OXCT1: variants seen among roughly 807,000 people sequenced by gnomAD.
OXCT1 encodes 3-oxoacid CoA-transferase 1, also known as succinyl-CoA:3-ketoacid coenzyme A transferase 1, mitochondrial.
In OXCT1, 27 loss-of-function variants were observed where a neutral mutation model predicts 69.6. The observed-to-expected ratio is 0.39, with a 90% CI of 0.29 to 0.54. OXCT1 has a LOEUF of 0.54. Among genes scored for constraint, OXCT1 ranks in the 20% least tolerant of loss-of-function variants. The pLI, the probability that OXCT1 is intolerant of heterozygous loss-of-function variation, is 0.72. For missense variants in OXCT1, 437 were observed against 650.2 expected (o/e 0.67, Z 3.57); for synonymous variants, 202 against 217.8 (o/e 0.93, Z 0.64).
At position 41,805,646 on chromosome 5, in the gene OXCT1, G is replaced by C. The variant is rs552437591; in HGVS notation, c.876C>G (p.Ala292=). The C allele has an allele frequency of 6.2e-7, 1 of 1,612,664 alleles. No homozygotes were observed. The highest frequency in any genetic ancestry group is 1.3e-5 in the African/African-American group (1 of 74,882). Residue 292 remains alanine (A), a synonymous_variant, in exon 9 of 17, where the codon GCC becomes GCG. Coordinates refer to ENST00000196371, the MANE Select transcript of OXCT1 (RefSeq NM_000436.4). ...CGTCATCTCCAGGTTTAGCAGATTTGGCTTCCCCATCTCCCTCTTTCCGGA... is the reference window on the plus strand; with the variant it reads ...CGTCATCTCCAGGTTTAGCAGATTTCGCTTCCCCATCTCCCTCTTTCCGGA... ...LSIRKEGDGE[A]KSAKPGDDVR... is the part of the protein sequence containing the mutation.
intron 14 of OXCT1, among the ~76,000 whole-genome samples, chr5:41,753,187 T>G (rs904737928): frequency 6.6e-6 from 1 of 152,098 alleles, no homozygotes; most frequent in Non-Finnish European, 1.5e-5. Flanking sequence ...TACATTCACC[T>G]GAAATCTTTA....
At chr5:41,757,636 C>T (rs1196501775) in intron 14 of OXCT1, among the ~76,000 whole-genome samples, 2 of 151,946 alleles carry the variant, frequency 1.3e-5, no homozygotes, top group African/African-American at 2.4e-5. Context: ...GACAAAACAT[C>T]AAAGAATATT....
intron 13 of OXCT1, among the ~76,000 whole-genome samples, chr5:41,787,348 A>T (rs1443360325): frequency 6.6e-6 from 1 of 152,186 alleles, no homozygotes; most frequent in Non-Finnish European, 1.5e-5. Flanking sequence ...TTTCTGAAAG[A>T]AGGGAAGCCA....
chr5:41,823,378 C>G (rs1747656918), intron 7 of OXCT1, among the ~76,000 whole-genome samples: 2 of 152,098 alleles, frequency 1.3e-5, no homozygotes, highest in Admixed American at 1.3e-4. Flanking sequence ...AATATGAAGC[C>G]CCTCCCAAGA....
chr5:41,758,776 G>C (rs1408930406), intron 14 of OXCT1, among the ~76,000 whole-genome samples: 1 of 152,016 alleles, frequency 6.6e-6, no homozygotes, highest in Non-Finnish European at 1.5e-5. Flanking sequence ...TCAGACAGAG[G>C]GGGCATAGAA....
chr5:41,795,598 T>C (rs1253038405), intron 11 of OXCT1, among the ~76,000 whole-genome samples: 3 of 152,176 alleles, frequency 2.0e-5, no homozygotes, highest in Non-Finnish European at 2.9e-5. Context: ...CAGTTTCTTT[T>C]TTTAATCAAC....
intron 1 of OXCT1, among the ~76,000 whole-genome samples, chr5:41,869,784 G>C (rs1218581769): frequency 2.0e-5 from 3 of 152,132 alleles, no homozygotes; most frequent in Non-Finnish European, 4.4e-5. Flanking sequence ...CGGTGAACTC[G>C]AGCAGAGCCA....
intron 15 of OXCT1, among the ~76,000 whole-genome samples, chr5:41,748,440 T>C (rs1437161025): frequency 6.6e-6 from 1 of 152,070 alleles, no homozygotes; most frequent in South Asian, 2.1e-4. Flanking sequence ...GGGTAAAAGA[T>C]TGCTTTGCTT....
chr5:41,812,678 AGAAG>A (rs1310204538), intron 7 of OXCT1, among the ~76,000 whole-genome samples: 3 of 152,060 alleles, frequency 2.0e-5, no homozygotes, highest in African/African-American at 7.2e-5. Context: ...CTGCTTGGGC[AGAAG>A]ACAGGAAAAA....
intron 3 of OXCT1, among the ~76,000 whole-genome samples, chr5:41,861,040 T>C (rs1749707882): frequency 6.6e-6 from 1 of 152,104 alleles, no homozygotes; most frequent in African/African-American, 2.4e-5. Flanking sequence ...ACATTTTAAG[T>C]TTAGAAAAAT....
At chr5:41,859,814 TAGAC>T (rs1749631090) in intron 3 of OXCT1, among the ~76,000 whole-genome samples, 2 of 145,704 alleles carry the variant, frequency 1.4e-5, no homozygotes, top group South Asian at 2.2e-4. Context: ...TTTAGAGTGA[TAGAC>T]TGACCATTGG....
At chr5:41,786,237 C>G (rs1406714597) in intron 13 of OXCT1, among the ~76,000 whole-genome samples, 1 of 150,186 alleles carries the variant, frequency 6.7e-6, no homozygotes, top group East Asian at 1.9e-4. Context: ...CTGCTCACCC[C>G]ACTCCACACA....
chr5:41,768,179 C>T (rs1744708096), intron 13 of OXCT1, among the ~76,000 whole-genome samples: 1 of 152,142 alleles, frequency 6.6e-6, no homozygotes, highest in African/African-American at 2.4e-5. Flanking sequence ...ATTTTCCAGC[C>T]TTCCTTGAAG....
chr5:41,812,679 G>A (rs1300417845), intron 7 of OXCT1, among the ~76,000 whole-genome samples: 1 of 151,914 alleles, frequency 6.6e-6, no homozygotes, highest in East Asian at 1.9e-4. Context: ...TGCTTGGGCA[G>A]AAGACAGGAA....
At chr5:41,745,970 T>C (rs1446429018) in intron 15 of OXCT1, among the ~76,000 whole-genome samples, 1 of 152,002 alleles carries the variant, frequency 6.6e-6, no homozygotes, top group African/African-American at 2.4e-5. Context: ...CTACCAGAGG[T>C]ACAAAGAGGA....
At chr5:41,848,215 A>G (rs1381161635) in intron 5 of OXCT1, among the ~76,000 whole-genome samples, 1 of 152,148 alleles carries the variant, frequency 6.6e-6, no homozygotes, top group Non-Finnish European at 1.5e-5. Context: ...TAGGAATCCA[A>G]CTTTTACAAG....
chr5:41,784,575 G>A (rs968749052), intron 13 of OXCT1, among the ~76,000 whole-genome samples: 6 of 152,148 alleles, frequency 3.9e-5, no homozygotes, highest in African/African-American at 1.4e-4. Context: ...AGTACCTGTG[G>A]CAGAATGTGA....
At chr5:41,835,623 C>A (rs1210531671) in intron 7 of OXCT1, among the ~76,000 whole-genome samples, 1 of 152,100 alleles carries the variant, frequency 6.6e-6, no homozygotes, top group East Asian at 1.9e-4. Flanking sequence ...AATATAAATA[C>A]AATAAAAGTA....
chr5:41,852,076 G>C (rs1261386000), intron 4 of OXCT1, among the ~76,000 whole-genome samples: 1 of 152,224 alleles, frequency 6.6e-6, no homozygotes, highest in East Asian at 1.9e-4. Context: ...ACCGTGAGAA[G>C]TCGGCCATCT....
Sources: allele counts gnomAD v4.1 joint callset (sites outside exome capture counted in the v4.1 genomes callset), GRCh38; gene constraint gnomAD v4.1.1; transcripts MANE v1.5; gene names NCBI Gene and HGNC (gene_info 2026-07-23, HGNC 2026-07-21).